Variants in KIAA0586 observed in about 807,000 individuals in gnomAD.
The protein encoded by KIAA0586 is KIAA0586.
KIAA0586 carries 144 observed loss-of-function variants against 169.8 expected under a neutral mutation model. That is an observed-to-expected ratio of 0.85 (90% CI 0.74 to 0.97). KIAA0586 has a LOEUF of 0.97. KIAA0586 is among the 50% of genes least tolerant of loss of function. The pLI, the probability that KIAA0586 is intolerant of heterozygous loss-of-function variation, is 0.00. For missense variants in KIAA0586, 1,854 were observed against 1,823.0 expected (o/e 1.02, Z -0.31); for synonymous variants, 625 against 612.4 (o/e 1.02, Z -0.30).
At chr14:58,543,068 C>T (rs2046752138) in intron 30 of KIAA0586, among the ~76,000 whole-genome samples, 2 of 147,042 alleles carry the variant, frequency 1.4e-5, no homozygotes, top group Non-Finnish European at 3.0e-5. Flanking sequence ...GGAGATGGAG[C>T]TTGCAGTGAG....
At chr14:58,472,558 G>A (rs2041308662) in intron 18 of KIAA0586, among the ~76,000 whole-genome samples, 1 of 151,170 alleles carries the variant, frequency 6.6e-6, no homozygotes. Context: ...ACTTCCTTTG[G>A]CTTCTTTTCC....
chr14:58,428,493 GT>G (rs1489533793), intron 1 of KIAA0586, 30 bp downstream of exon 1: 1 of 1,516,226 alleles, frequency 6.6e-7, no homozygotes, highest in Non-Finnish European at 9.1e-7. Flanking sequence ...TTTTCAACCA[GT>G]TTTAGTTTAG....
At chr14:58,557,901 CTTTTTTTTTTT>C in the KIAA0586 span, among the ~76,000 whole-genome samples, 67 of 42,510 alleles carry the variant, frequency 1.6e-3, 5 homozygotes, top group Admixed American at 3.2e-3. Flanking sequence ...CCTGAGAAAT[CTTTTTTTTTTT>C]TTTTTTTTTT....
intron 29 of KIAA0586, among the ~76,000 whole-genome samples, chr14:58,513,444 G>A (rs2141490483): frequency 6.6e-6 from 1 of 152,016 alleles, no homozygotes; most frequent in East Asian, 1.9e-4. Context: ...TATGCATTTG[G>A]TGTTTTGGGA....
chr14:58,508,649 A>G lies in KIAA0586; in HGVS notation c.4263A>G (p.Thr1421=). ...EPNSKLVLPT[T]LLTAQENDVN... ...ATTCTAAGCTGGTTCTTCCCACAAC[A>G]CTTCTGACAGCACAAGAAAATGATG... Residue 1421 remains threonine (T), a synonymous_variant, in exon 28 of 31, where the codon ACA becomes ACG. Transcript: ENST00000652326. 1 of 1,595,514 alleles carries G rather than the reference A, an allele frequency of 6.3e-7. No individual in the cohort carries two copies. The highest frequency in any genetic ancestry group is 8.5e-7 in the Non-Finnish European group (1 of 1,170,324).
At chr14:58,509,144 C>A (rs1038827009) in intron 28 of KIAA0586, among the ~76,000 whole-genome samples, 2 of 151,962 alleles carry the variant, frequency 1.3e-5, no homozygotes, top group Admixed American at 1.3e-4. Context: ...TGCTTGTGCC[C>A]GGGAGGCAGA....
chr14:58,538,693 A>G (rs974201437), intron 29 of KIAA0586, among the ~76,000 whole-genome samples: 6 of 149,954 alleles, frequency 4.0e-5, no homozygotes, highest in Admixed American at 2.0e-4. Flanking sequence ...TTTTTTTTTA[A>G]CCCATTAACC....
At chr14:58,442,632 C>A in intron 4 of KIAA0586, 74 bp from the exon 5 acceptor site, 1 of 1,104,530 alleles carries the variant, frequency 9.1e-7, no homozygotes, top group Non-Finnish European at 1.3e-6. Context: ...CGGCAGATTA[C>A]CATTTGTTAA....
Position 58,427,813 on chromosome 14 carries a change from G to C in KIAA0586, c.-452G>C. On this transcript the variant is annotated 5_prime_UTR_variant, in exon 1 of 31. Coordinates refer to ENST00000652326, the MANE Select transcript of KIAA0586 (RefSeq NM_001329943.3). ...TGTTTCCGACGATTGCATCTGGAGGGGTGTGTAAGACTCTGTGGCTGAAGA... is the reference window on the plus strand; with the variant it reads ...TGTTTCCGACGATTGCATCTGGAGGCGTGTGTAAGACTCTGTGGCTGAAGA... 11 of 1,492,340 alleles carry C rather than the reference G, an allele frequency of 7.4e-6. No individual in the cohort carries two copies. Among genetic ancestry groups the C allele is most frequent in the Non-Finnish European group, 9.8e-6 (11 of 1,125,334 alleles). 92.4% of individuals were successfully genotyped at this position (1,492,340 alleles called of 1,614,324 possible).
At chr14:58,496,738 T>A (rs1316610092) in intron 26 of KIAA0586, among the ~76,000 whole-genome samples, 5 of 152,156 alleles carry the variant, frequency 3.3e-5, no homozygotes, top group Non-Finnish European at 7.4e-5. Flanking sequence ...CTTCATATAG[T>A]CTAGTTAAAA....
chr14:58,541,090 T>C (rs1414740152), intron 30 of KIAA0586, among the ~76,000 whole-genome samples: 1 of 152,204 alleles, frequency 6.6e-6, no homozygotes, highest in East Asian at 1.9e-4. Flanking sequence ...GGGAAGCAAC[T>C]GCATTGCTGG....
chr14:58,479,778 G>A (rs779352474), intron 20 of KIAA0586, among the ~76,000 whole-genome samples: 11 of 152,066 alleles, frequency 7.2e-5, no homozygotes, highest in Non-Finnish European at 1.0e-4. Context: ...ACCATTTGTT[G>A]AAAAGATTAT....
intron 26 of KIAA0586, 48 bp downstream of exon 26, chr14:58,492,323 GA>G: frequency 1.4e-6 from 2 of 1,477,716 alleles, no homozygotes; most frequent in Non-Finnish European, 1.8e-6. Flanking sequence ...CTAAATACAG[GA>G]AAAAATTAAA....
In KIAA0586 at chr14:58,502,981, C is replaced by G. The variant is rs568502836; in HGVS notation, c.4168+4021C>G. Among the ~76,000 whole-genome samples the G allele has an allele frequency of 1.2e-4, 18 of 152,244 alleles. 1 individual carries two copies. Among genetic ancestry groups the G allele is most frequent in the Admixed American group, 1.1e-3 (17 of 15,282 alleles). On this transcript the variant is annotated intron_variant, in intron 27 of 30. Coordinates refer to ENST00000652326, the MANE Select transcript of KIAA0586 (RefSeq NM_001329943.3). Reference sequence around the variant, plus strand: ...CCCCTGCTAATTTTCAGGAAGTGTCCTATTTTCTGTAGTCCTCTATCACTG... The same window carrying G: ...CCCCTGCTAATTTTCAGGAAGTGTCGTATTTTCTGTAGTCCTCTATCACTG...
chr14:58,516,820 A>G (rs1395865360), intron 29 of KIAA0586, among the ~76,000 whole-genome samples: 5 of 151,546 alleles, frequency 3.3e-5, no homozygotes, highest in Non-Finnish European at 5.9e-5. Flanking sequence ...TAGAGAATTC[A>G]AAAAAAAAGT....
chr14:58,534,546 G>A (rs367867999), intron 29 of KIAA0586, among the ~76,000 whole-genome samples: 64 of 152,208 alleles, frequency 4.2e-4, no homozygotes, highest in African/African-American at 1.4e-3. Flanking sequence ...GCTGATTGTC[G>A]TAGAGCACGA....
intron 4 of KIAA0586, among the ~76,000 whole-genome samples, chr14:58,436,597 T>G (rs1413478752): frequency 1.1e-4 from 17 of 152,202 alleles, no homozygotes; most frequent in Admixed American, 1.1e-3. Context: ...ATTGGAAATG[T>G]AATTCTAACA....
At chr14:58,446,514 T>TAC (rs1274792950) in intron 6 of KIAA0586, among the ~76,000 whole-genome samples, 6 of 151,914 alleles carry the variant, frequency 3.9e-5, no homozygotes. Flanking sequence ...ACAACAAATG[T>TAC]ATATATATGT....
chr14:58,454,476 C>A (rs1300465128), intron 9 of KIAA0586, among the ~76,000 whole-genome samples: 2 of 152,140 alleles, frequency 1.3e-5, no homozygotes, highest in East Asian at 1.9e-4. Flanking sequence ...CTTTTATATT[C>A]AACTATATAG....
Sources: gnomAD v4.1 joint callset for allele counts (sites outside exome capture counted in the v4.1 genomes callset) on GRCh38, gnomAD v4.1.1 for gene constraint, MANE v1.5 for transcripts, NCBI Gene and HGNC (gene_info 2026-07-23, HGNC 2026-07-21) for gene names.